PRKAR1A: variants seen among roughly 807,000 people sequenced by gnomAD.
PRKAR1A encodes cAMP-dependent protein kinase type I-alpha regulatory subunit.
PRKAR1A carries 3 observed loss-of-function variants against 52.0 expected under a neutral mutation model. That is an observed-to-expected ratio of 0.06 (90% CI 0.03 to 0.15). PRKAR1A has a LOEUF of 0.15. PRKAR1A is among the 10% of genes least tolerant of loss of function. The probability of loss-of-function intolerance (pLI) is 1.00; values close to 1 mark genes in which losing one functional copy is unlikely to be tolerated. For synonymous variants in PRKAR1A, 188 were observed against 168.4 expected (o/e 1.12, Z -0.90); for missense variants, 240 against 477.4 (o/e 0.50, Z 4.63).
chr17:68,468,007 A>T, the PRKAR1A span, among the ~76,000 whole-genome samples: 1 of 151,826 alleles, frequency 6.6e-6, no homozygotes, highest in Non-Finnish European at 1.5e-5. Context: ...TGACCCTCCC[A>T]CCTCAGCCTC....
chr17:68,490,330 C>A, the PRKAR1A span, among the ~76,000 whole-genome samples: 1 of 152,186 alleles, frequency 6.6e-6, no homozygotes, highest in Non-Finnish European at 1.5e-5. Context: ...GCTTTTTGTA[C>A]CTTTGGCAGT....
At chr17:68,433,493 A>G in the PRKAR1A span, 1 of 1,614,052 alleles carries the variant, frequency 6.2e-7, no homozygotes, top group Non-Finnish European at 8.5e-7. Context: ...TCCAGCTTGA[A>G]GATGTGTACC....
At chr17:68,475,263 G>A in the PRKAR1A span, among the ~76,000 whole-genome samples, 1 of 152,180 alleles carries the variant, frequency 6.6e-6, no homozygotes, top group East Asian at 1.9e-4. Context: ...GAATTTCCTT[G>A]GCATCAGGCA....
At chr17:68,543,774 G>C in intron 11 of PRKAR1A, 2 of 1,483,540 alleles carry the variant, frequency 1.3e-6, no homozygotes, top group Non-Finnish European at 1.9e-6. Flanking sequence ...CTGGGAGCCT[G>C]AGAAGAGAGC....
upstream of PRKAR1A, among the ~76,000 whole-genome samples, chr17:68,510,792 G>C (rs2085253687): frequency 6.6e-6 from 1 of 152,158 alleles, no homozygotes; most frequent in Non-Finnish European, 1.5e-5. Context: ...CTGTAAGCCT[G>C]ATTGCCCTTT....
chr17:68,459,805 A>G, the PRKAR1A span, among the ~76,000 whole-genome samples: 2 of 152,030 alleles, frequency 1.3e-5, no homozygotes, highest in East Asian at 3.8e-4. Context: ...ATTTCAATAT[A>G]AAGATAATCA....
chr17:68,479,459 A>G, the PRKAR1A span, among the ~76,000 whole-genome samples: 1 of 152,194 alleles, frequency 6.6e-6, no homozygotes, highest in African/African-American at 2.4e-5. Flanking sequence ...GCTCACATCT[A>G]TAGTTTTCAT....
chr17:68,416,075 C>T, the PRKAR1A span, among the ~76,000 whole-genome samples: 2 of 151,904 alleles, frequency 1.3e-5, no homozygotes, highest in South Asian at 4.2e-4. Context: ...TGCCCATGTG[C>T]CTTGGTTTTT....
At chr17:68,430,292 G>T in the PRKAR1A span, 2 of 856,138 alleles carry the variant, frequency 2.3e-6, no homozygotes, top group Non-Finnish European at 1.8e-6. Flanking sequence ...ATAATGTTCT[G>T]CCCACTGAGA....
At chr17:68,489,364 G>GTA in the PRKAR1A span, among the ~76,000 whole-genome samples, 31 of 47,852 alleles carry the variant, frequency 6.5e-4, 4 homozygotes, top group East Asian at 5.1e-3. Context: ...TATATGGAAA[G>GTA]TATATATATA....
the PRKAR1A span, among the ~76,000 whole-genome samples, chr17:68,458,702 G>A: frequency 1.3e-5 from 2 of 152,160 alleles, no homozygotes; most frequent in African/African-American, 4.8e-5. Flanking sequence ...GTTCCCATGC[G>A]GAATTACTGT....
chr17:68,511,714 A>C (rs1054076492), upstream of PRKAR1A: 1 of 152,138 alleles, frequency 6.6e-6, no homozygotes, highest in Non-Finnish European at 1.5e-5. Context: ...GGTTTCCTGG[A>C]CCGGATGACT....
At chr17:68,444,345 C>T in the PRKAR1A span, 1 of 695,736 alleles carries the variant, frequency 1.4e-6, no homozygotes, top group East Asian at 2.8e-5. Context: ...GAATCTGCCG[C>T]CATTAAGACA....
the PRKAR1A span, among the ~76,000 whole-genome samples, chr17:68,415,646 G>A: frequency 6.6e-6 from 1 of 152,108 alleles, no homozygotes; most frequent in Non-Finnish European, 1.5e-5. Flanking sequence ...TTATTGTGTT[G>A]CCGTCTATCT....
At chr17:68,437,626 C>T in the PRKAR1A span, among the ~76,000 whole-genome samples, 9 of 151,758 alleles carry the variant, frequency 5.9e-5, no homozygotes, top group Middle Eastern at 3.5e-3. Flanking sequence ...GGGTACCTCC[C>T]GAGGAGGAAG....
intron 11 of PRKAR1A, chr17:68,541,238 A>T (rs757180414): frequency 9.1e-6 from 4 of 439,928 alleles, no homozygotes; most frequent in African/African-American, 2.0e-5. Context: ...GGAAAGGAGG[A>T]GGTAGTGACC....
At chr17:68,537,843 C>T (rs965691431), downstream of PRKAR1A, 7 of 1,311,224 alleles carry the variant, frequency 5.3e-6, no homozygotes, top group East Asian at 2.5e-5. This position sits in a 1 kb window ranked among gnomAD's most constrained non-coding sequence, Gnocchi z 4.2. Context: ...ATACTCTTGG[C>T]GCCTCTCCTT....
the PRKAR1A span, among the ~76,000 whole-genome samples, chr17:68,506,248 A>G: frequency 1.3e-5 from 2 of 151,766 alleles, no homozygotes; most frequent in African/African-American, 4.8e-5. Flanking sequence ...GCCATCTTGA[A>G]AAATATTTTC....
At chr17:68,528,018 A>C (rs1007855205) in intron 8 of PRKAR1A, 118 bp downstream of exon 8, 2 of 889,028 alleles carry the variant, frequency 2.2e-6, no homozygotes, top group Middle Eastern at 2.3e-4. Context: ...CTGAAAAGAC[A>C]GAAGGGCTGA....
Sources: allele counts gnomAD v4.1 joint callset (sites outside exome capture counted in the v4.1 genomes callset), GRCh38; gene constraint gnomAD v4.1.1; non-coding constraint Gnocchi (gnomAD v3.1); transcripts MANE v1.5; gene names NCBI Gene and HGNC (gene_info 2026-07-23, HGNC 2026-07-21).